TGFBR3: variants seen among roughly 807,000 people sequenced by gnomAD.
The protein encoded by TGFBR3 is transforming growth factor beta receptor 3, also known as transforming growth factor beta receptor type 3.
TGFBR3 carries 46 observed loss-of-function variants against 87.9 expected under a neutral mutation model. The observed-to-expected ratio is 0.52, with a 90% CI of 0.41 to 0.67. TGFBR3 has a LOEUF of 0.67. Among genes scored for constraint, TGFBR3 ranks in the 30% least tolerant of loss-of-function variants. The probability of loss-of-function intolerance (pLI) is 0.00; values close to 1 mark genes in which losing one functional copy is unlikely to be tolerated. For synonymous variants in TGFBR3, 381 were observed against 391.6 expected, an observed-to-expected ratio of 0.97 and a Z score of 0.32; for missense variants, 866 against 1,041.9, an observed-to-expected ratio of 0.83 and a Z score of 2.32.
rs1273158150 is a variant in TGFBR3 at position 91,720,044 on chromosome 1, A to G, written c.1262T>C (p.Leu421Pro). The G allele has an allele frequency of 6.2e-7, 1 of 1,614,168 alleles. No homozygotes were observed. The highest frequency in any genetic ancestry group is 1.1e-5 in the South Asian group (1 of 91,084). Residue 421 changes from leucine to proline, a missense_variant, in exon 9 of 17, where the codon CTC becomes CCC. Transcript: ENST00000212355. ...RVWNEEGEDG[L>P]PRPKDPVIPS... ...AATGACAGGGTCCTTTGGCCGAGGG[A>G]GCCCATCTTCTCCCTCTTCATTCCA...
At chr1:91,868,324 G>A (rs1183266277) in intron 1 of TGFBR3, among the ~76,000 whole-genome samples, 1 of 152,200 alleles carries the variant, frequency 6.6e-6, no homozygotes, top group Non-Finnish European at 1.5e-5. Flanking sequence ...CAAGGCAACA[G>A]AAATAGTTGT....
intron 4 of TGFBR3, among the ~76,000 whole-genome samples, chr1:91,756,432 C>G (rs988610615): frequency 6.6e-6 from 1 of 152,092 alleles, no homozygotes. Context: ...AGTACCAACT[C>G]TGCAAGTAAC....
intron 4 of TGFBR3, among the ~76,000 whole-genome samples, chr1:91,746,079 A>G (rs941349178): frequency 4.6e-5 from 7 of 152,202 alleles, no homozygotes; most frequent in Non-Finnish European, 1.0e-4. Flanking sequence ...AAATGACTGA[A>G]ACCGCCCCAT....
intron 4 of TGFBR3, among the ~76,000 whole-genome samples, chr1:91,737,368 GT>G (rs1490012976): frequency 6.6e-6 from 1 of 152,180 alleles, no homozygotes; most frequent in Non-Finnish European, 1.5e-5. Context: ...TTGTTCAGAT[GT>G]TATTTCCATC....
At chr1:91,902,906 C>G (rs914808637) in intron 1 of TGFBR3, among the ~76,000 whole-genome samples, 7 of 151,784 alleles carry the variant, frequency 4.6e-5, no homozygotes, top group Non-Finnish European at 1.0e-4. Flanking sequence ...GCCTGCAATG[C>G]TGAGGATCTC....
chr1:91,781,959 T>C (rs1329930374), intron 3 of TGFBR3, among the ~76,000 whole-genome samples: 1 of 152,172 alleles, frequency 6.6e-6, no homozygotes, highest in Non-Finnish European at 1.5e-5. Flanking sequence ...ACACAAAAGA[T>C]TCTTTTAGAA....
In TGFBR3 at chr1:91,773,535, G is replaced by A. The variant is rs116423480; in HGVS notation, c.247-14785C>T. Among the ~76,000 whole-genome samples, 1,337 of 152,270 alleles carry A rather than the reference G, an allele frequency of 8.8e-3. 24 individuals carry two copies. The highest frequency in any genetic ancestry group is 0.031 in the African/African-American group (1,280 of 41,544). ...TCTCTACTAAAAAATACAAAAATTA[G>A]TTAGGCTTGGTGGCAGGCGCCTGTA... is the stretch of plus-strand genomic sequence containing the variant. On this transcript the variant is annotated intron_variant, in intron 3 of 16. Transcript: ENST00000212355.
At chr1:91,741,692 GA>G (rs1023480659) in intron 4 of TGFBR3, among the ~76,000 whole-genome samples, 4 of 152,258 alleles carry the variant, frequency 2.6e-5, no homozygotes, top group Admixed American at 1.3e-4. Flanking sequence ...CAGAGATGAT[GA>G]GGGTTGGAGG....
Position 91,710,756 on chromosome 1 carries a change from A to G in TGFBR3, c.2166+1487T>C, listed in dbSNP as rs371234395. On this transcript the variant is annotated intron_variant, in intron 13 of 16. Coordinates refer to ENST00000212355, the MANE Select transcript of TGFBR3 (RefSeq NM_003243.5). Reference sequence around the variant, plus strand: ...GGTATGATTATAACAGTATATGAGGAAATACAGGCTCTAAGGGGTCCAGAG... The same window carrying G: ...GGTATGATTATAACAGTATATGAGGGAATACAGGCTCTAAGGGGTCCAGAG... 1.2e-4 allele frequency among the ~76,000 whole-genome samples: 19 copies of G among 152,280 alleles called. No homozygotes were observed. In the East Asian group the frequency reaches 2.7e-3, roughly 22 times the overall value.
intron 3 of TGFBR3, among the ~76,000 whole-genome samples, chr1:91,785,830 C>T (rs933202569): frequency 1.3e-4 from 20 of 150,666 alleles, no homozygotes; most frequent in East Asian, 7.8e-4. Context: ...TGCAGTGGCG[C>T]GATCGTGGTT....
chr1:91,782,965 C>T (rs1256842918), intron 3 of TGFBR3, among the ~76,000 whole-genome samples: 9 of 152,126 alleles, frequency 5.9e-5, no homozygotes, highest in South Asian at 4.1e-4. Flanking sequence ...CACAGAGAAC[C>T]GACAGCCACA....
At chr1:91,886,297 TCCTCCCG>T (rs778643634), upstream of TGFBR3, 32 of 394,358 alleles carry the variant, frequency 8.1e-5, no homozygotes, top group South Asian at 2.8e-4. Flanking sequence ...CAGAAACTCC[TCCTCCCG>T]CCTCCCGCCT....
At chr1:91,897,821 A>G (rs879714864) in intron 2 of TGFBR3, among the ~76,000 whole-genome samples, 3 of 152,180 alleles carry the variant, frequency 2.0e-5, no homozygotes, top group Non-Finnish European at 4.4e-5. Context: ...GAATATAACA[A>G]ACACTCATGA....
At chr1:91,897,306 G>A (rs1037855211) in intron 2 of TGFBR3, among the ~76,000 whole-genome samples, 1 of 152,166 alleles carries the variant, frequency 6.6e-6, no homozygotes, top group African/African-American at 2.4e-5. Context: ...GGGAGATGCC[G>A]ACTTGACGTG....
At chr1:91,692,521 C>G (rs1367704279) in intron 16 of TGFBR3, among the ~76,000 whole-genome samples, 2 of 151,884 alleles carry the variant, frequency 1.3e-5, no homozygotes, top group African/African-American at 4.8e-5. Flanking sequence ...AAGAAAAAAA[C>G]AGATAAGATT....
intron 14 of TGFBR3, among the ~76,000 whole-genome samples, chr1:91,703,111 C>T (rs1671678313): frequency 6.6e-6 from 1 of 152,032 alleles, no homozygotes; most frequent in Non-Finnish European, 1.5e-5. Context: ...TCCCTCCTTC[C>T]CTTCTTGGAT....
intron 3 of TGFBR3, among the ~76,000 whole-genome samples, chr1:91,770,473 ATAGAG>A (rs745341549): frequency 6.6e-6 from 1 of 152,224 alleles, no homozygotes; most frequent in Non-Finnish European, 1.5e-5. Context: ...AGCAGCAAAT[ATAGAG>A]TATAGTAACT....
At chr1:91,846,958 A>T (rs1163441719) in intron 2 of TGFBR3, among the ~76,000 whole-genome samples, 1 of 152,168 alleles carries the variant, frequency 6.6e-6, no homozygotes. Flanking sequence ...ATATTGTTAC[A>T]TTCCTCAGGA....
intron 2 of TGFBR3, among the ~76,000 whole-genome samples, chr1:91,857,894 A>G (rs927394328): frequency 6.6e-6 from 1 of 152,228 alleles, no homozygotes; most frequent in Non-Finnish European, 1.5e-5. Context: ...TTAATGTTTC[A>G]GGAGGACATA....
Sources: gnomAD v4.1 joint callset for allele counts (sites outside exome capture counted in the v4.1 genomes callset) on GRCh38, gnomAD v4.1.1 for gene constraint, MANE v1.5 for transcripts, NCBI Gene and HGNC (gene_info 2026-07-23, HGNC 2026-07-21) for gene names.